PAGR1: variants seen among roughly 807,000 people sequenced by gnomAD.
PAGR1 encodes PAXIP1-associated glutamate-rich protein 1.
Under a neutral mutation model 22.4 loss-of-function variants are expected in PAGR1, and 20 were observed. The ratio of observed to expected loss-of-function variants is 0.89; its 90% confidence interval spans 0.63 to 1.30. The LOEUF is 1.30. PAGR1 is among the 50% of genes most tolerant of loss of function. The probability of loss-of-function intolerance (pLI) is 0.00; values close to 1 mark genes in which losing one functional copy is unlikely to be tolerated. For missense variants in PAGR1, 338 were observed against 343.6 expected, an observed-to-expected ratio of 0.98 and a Z score of 0.13; for synonymous variants, 161 against 148.3, an observed-to-expected ratio of 1.09 and a Z score of -0.62.
At position 29,816,774 on chromosome 16, in the gene PAGR1, C is replaced by T. The variant is rs759983516; in HGVS notation, c.249C>T (p.Asp83=). 2 of 1,583,276 alleles carry T rather than the reference C, an allele frequency of 1.3e-6. No individual in the cohort carries two copies. Among genetic ancestry groups the T allele is most frequent in the African/African-American group, 1.3e-5 (1 of 74,414 alleles). ...SAGGEEPAEE[D]SEDWCVPCSD... ...GGGGAGAAGAGCCTGCCGAGGAGGA[C>T]TCCGAGGACTGGTGCGTGCCCTGCA... Residue 83 remains aspartate (D), a synonymous_variant, in exon 1 of 3, where the codon GAC becomes GAT. Coordinates refer to ENST00000320330, the MANE Select transcript of PAGR1 (RefSeq NM_024516.4).
chr16:29,819,383 G>A (rs1900314638), intron 2 of PAGR1, 172 bp from the exon 3 acceptor site: 2 of 671,264 alleles, frequency 3.0e-6, no homozygotes. Flanking sequence ...TGTCAATCAA[G>A]ATCTTTGCTT....
chr16:29,819,457 C>T, intron 2 of PAGR1, 98 bp from the exon 3 acceptor site: 1 of 1,266,060 alleles, frequency 7.9e-7, no homozygotes, highest in South Asian at 1.3e-5. Flanking sequence ...TGGGGACCTG[C>T]ATGTTTAACC....
rs537426155 is a variant in PAGR1 at position 29,819,672 on chromosome 16, T to C, written c.683T>C (p.Leu228Pro). The C allele has an allele frequency of 7.4e-6, 12 of 1,613,926 alleles. No individual in the cohort carries two copies. The East Asian group carries it at 2.7e-4, about 36-fold the overall frequency. Residue 228 changes from leucine to proline, a missense_variant, in exon 3 of 3, where the codon CTG (leucine) becomes CCG (proline). By Grantham distance (98) the Leu-to-Pro change is moderately conservative. This residue lies in a region of PAGR1 where 52 missense variants were observed against 44.5 expected (regional missense o/e 1.17). Transcript: ENST00000320330. ...ILRTGRDLFSLDSEDPSPASP... is the reference protein window; with the variant it reads ...ILRTGRDLFSPDSEDPSPASP... ...CGTACCGGGAGGGACCTCTTCAGCC[T>C]GGACTCGGAGGACCCCAGCCCCGCC...
chr16:29,819,529 A>G (rs373406329), intron 2 of PAGR1, 26 bp from the exon 3 acceptor site: 11 of 1,612,964 alleles, frequency 6.8e-6, no homozygotes, highest in African/African-American at 4.0e-5. Context: ...CATCCCTTCC[A>G]TGTATCTTAC....
In PAGR1 at chr16:29,820,321, G is replaced by C. The variant is rs931541723; in HGVS notation, c.*567G>C. 6.6e-6 allele frequency: 1 copy of C among 152,292 alleles called. No individual in the cohort carries two copies. The highest frequency in any genetic ancestry group is 2.4e-5 in the African/African-American group (1 of 41,426). 9.4% of individuals were successfully genotyped at this position (152,292 alleles called of 1,614,324 possible). ...AGGTAGAAACCCATGAGCACTCAGG[G>C]AGCAGTGTGCCTTCAGCTGCAGCAG... On this transcript the variant is annotated 3_prime_UTR_variant, in exon 3 of 3. Coordinates refer to ENST00000320330, the MANE Select transcript of PAGR1 (RefSeq NM_024516.4).
At position 29,820,058 on chromosome 16, in the gene PAGR1, A is replaced by G. The variant is rs1289716671; in HGVS notation, c.*304A>G. ...TGTTTTCTATTGAACACCTATTCAG[A>G]GACCTGGACTGAATTTTCTGAGTCT... On this transcript the variant is annotated 3_prime_UTR_variant, in exon 3 of 3. Transcript: ENST00000320330. 1.3e-5 allele frequency: 4 copies of G among 309,792 alleles called. No homozygotes were observed. The highest frequency in any genetic ancestry group is 2.4e-5 in the Non-Finnish European group (4 of 167,008). 19.2% of individuals were successfully genotyped at this position (309,792 alleles called of 1,614,324 possible). A position where few individuals can be genotyped will look rare whatever the true frequency, so the allele number is the denominator to read the frequency against.
chr16:29,819,903 G>T lies in PAGR1; in HGVS notation c.*149G>T. 1 of 842,230 alleles carries T rather than the reference G, an allele frequency of 1.2e-6. No individual in the cohort carries two copies. Among genetic ancestry groups the T allele is most frequent in the South Asian group, 1.8e-5 (1 of 54,694 alleles). The allele number at this position is 842,230 out of a possible 1,614,324, so 52.2% of individuals were successfully genotyped here. The stretch of plus-strand genomic sequence containing the variant: ...GTTGCGGGAAAGAGGAAGAGAGAGT[G>T]TGAGTGTGTGTGTGTGTTTTTTCTA... On this transcript the variant is annotated 3_prime_UTR_variant, in exon 3 of 3. Coordinates refer to ENST00000320330, the MANE Select transcript of PAGR1 (RefSeq NM_024516.4).
Position 29,822,126 on chromosome 16 carries a change from T to G in PAGR1, c.*2372T>G, listed in dbSNP as rs114645044. Among the ~76,000 whole-genome samples the G allele has an allele frequency of 4.9e-3, 734 of 151,278 alleles. 6 individuals are homozygous for G. Among genetic ancestry groups the G allele is most frequent in the African/African-American group, 0.016 (645 of 41,310 alleles). ...TTTAAAGAATTATAGCTCAGTCCTA[T>G]GATTAGGCAAGTTGAGAAAATATTG... is the stretch of plus-strand genomic sequence containing the variant. On this transcript the variant is annotated 3_prime_UTR_variant, in exon 3 of 3. Coordinates refer to ENST00000320330, the MANE Select transcript of PAGR1 (RefSeq NM_024516.4).
rs367962544 is a variant in PAGR1 at position 29,816,473 on chromosome 16, C to T, written c.-53C>T. On this transcript the variant is annotated 5_prime_UTR_variant, in exon 1 of 3. Coordinates refer to ENST00000320330, the MANE Select transcript of PAGR1 (RefSeq NM_024516.4). Reference sequence around the variant, plus strand: ...CAGGGGAGCCCGATCCCTGGGGGACCCTGGCTTCGGACTCCAGTATCTGTC... The same window carrying T: ...CAGGGGAGCCCGATCCCTGGGGGACTCTGGCTTCGGACTCCAGTATCTGTC... 8,697 of 1,414,430 alleles carry T rather than the reference C, an allele frequency of 6.1e-3. 60 individuals are homozygous for T. The highest frequency in any genetic ancestry group is 0.03 in the South Asian group (1,676 of 56,194). The allele number at this position is 1,414,430 out of a possible 1,614,324, so 87.6% of individuals were successfully genotyped here.
intron 2 of PAGR1, 33 bp from the exon 3 acceptor site, chr16:29,819,522 C>A (rs748709091): frequency 6.2e-7 from 1 of 1,610,024 alleles, no homozygotes; most frequent in Non-Finnish European, 8.5e-7. Flanking sequence ...CCACCTCCAT[C>A]CCTTCCATGT....
Position 29,816,805 on chromosome 16 carries a change from G to T in PAGR1, c.280G>T (p.Glu94Ter), listed in dbSNP as rs1900257870. 2 of 1,568,560 alleles carry T rather than the reference G, an allele frequency of 1.3e-6. No homozygotes were observed. The highest frequency in any genetic ancestry group is 1.7e-6 in the Non-Finnish European group (2 of 1,157,150). ...GGACTGGTGCGTGCCCTGCAGCGAC[G>T]AGGAGGTGGAGCTGCCTGCGGATGG... Reference protein sequence around the residue: ...SEDWCVPCSDEEVELPADGQP... With the variant: ...SEDWCVPCSD Residue 94 changes from glutamate (E) to a stop codon, truncating the protein, a stop_gained, in exon 1 of 3, where the codon GAG (glutamate) becomes TAG (stop). Coordinates refer to ENST00000320330, the MANE Select transcript of PAGR1 (RefSeq NM_024516.4). LOFTEE classifies it high-confidence loss of function.
At chr16:29,819,258 T>C (rs1249324252) in intron 2 of PAGR1, among the ~76,000 whole-genome samples, 1 of 152,170 alleles carries the variant, frequency 6.6e-6, no homozygotes, top group Non-Finnish European at 1.5e-5. Context: ...TGAACCACCA[T>C]GCCCGGCCTG....
chr16:29,817,874 G>T (rs1249309173), intron 2 of PAGR1: 1 of 152,272 alleles, frequency 6.6e-6, no homozygotes, highest in African/African-American at 2.4e-5. Flanking sequence ...CAGGAGAATC[G>T]CTTGAGCCTG....
chr16:29,819,815 TC>T lies in PAGR1; in HGVS notation c.*65del. 6.6e-7 allele frequency: 1 copy of T among 1,516,196 alleles called. No homozygotes were observed. The allele number at this position is 1,516,196 out of a possible 1,614,324, so 93.9% of individuals were successfully genotyped here. On this transcript the variant is annotated 3_prime_UTR_variant, in exon 3 of 3. Coordinates refer to ENST00000320330, the MANE Select transcript of PAGR1 (RefSeq NM_024516.4). ...TACCTGCTGGAGCCTGGGCCCTCCT[TC>T]CCCAGCCCAGACATTGAGAAACTTG... is the stretch of plus-strand genomic sequence containing the variant.
Position 29,822,333 on chromosome 16 carries a change from AAGT to A in PAGR1, c.*2581_*2583del, listed in dbSNP as rs1204218665. Among the ~76,000 whole-genome samples, 5 of 151,940 alleles carry A rather than the reference AAGT, an allele frequency of 3.3e-5. No homozygotes were observed. The highest frequency in any genetic ancestry group is 7.4e-5 in the Non-Finnish European group (5 of 68,018). Reference sequence around the variant, plus strand: ...AACTGTGCTGCTTTAAAAAAAAAAAAAGTAATTTATGAGACACATTCTCAATTT... The same window carrying A: ...AACTGTGCTGCTTTAAAAAAAAAAAAAATTTATGAGACACATTCTCAATTT... On this transcript the variant is annotated 3_prime_UTR_variant, in exon 3 of 3. Coordinates refer to ENST00000320330, the MANE Select transcript of PAGR1 (RefSeq NM_024516.4).
chr16:29,817,425 C>T, intron 2 of PAGR1, 133 bp downstream of exon 2: 1 of 744,702 alleles, frequency 1.3e-6, no homozygotes, highest in South Asian at 1.6e-5. Flanking sequence ...GAGTATTCAC[C>T]CAGTAGCACC....
chr16:29,816,448 C>G lies in PAGR1; in HGVS notation c.-78C>G. 1.5e-6 allele frequency: 2 copies of G among 1,361,168 alleles called. No homozygotes were observed. The highest frequency in any genetic ancestry group is 1.9e-6 in the Non-Finnish European group (2 of 1,046,384). 84.3% of individuals were successfully genotyped at this position (1,361,168 alleles called of 1,614,324 possible). A position where few individuals can be genotyped will look rare whatever the true frequency, so the allele number is the denominator to read the frequency against. Reference sequence around the variant, plus strand: ...TTGGCTGGAAACGGTCCCGAACCCCCAGGGGAGCCCGATCCCTGGGGGACC... The same window carrying G: ...TTGGCTGGAAACGGTCCCGAACCCCGAGGGGAGCCCGATCCCTGGGGGACC... On this transcript the variant is annotated 5_prime_UTR_variant, in exon 1 of 3. Coordinates refer to ENST00000320330, the MANE Select transcript of PAGR1 (RefSeq NM_024516.4).
At position 29,816,790 on chromosome 16, in the gene PAGR1, G is replaced by C. The variant is rs752751554; in HGVS notation, c.265G>C (p.Val89Leu). The C allele has an allele frequency of 6.3e-7, 1 of 1,575,466 alleles. No individual in the cohort carries two copies. Among genetic ancestry groups the C allele is most frequent in the South Asian group, 1.1e-5 (1 of 87,130 alleles). ...CGAGGAGGACTCCGAGGACTGGTGC[G>C]TGCCCTGCAGCGACGAGGAGGTGGA... ...PAEEDSEDWC[V>L]PCSDEEVELP... The change falls in exon 1 of 3, where the codon GTG becomes CTG. Residue 89 changes from valine to leucine, a missense_variant. Val to Leu is a conservative substitution (Grantham distance 32). Coordinates refer to ENST00000320330, the MANE Select transcript of PAGR1 (RefSeq NM_024516.4).
In PAGR1 at chr16:29,820,041, A is replaced by G. The variant is rs1349549878; in HGVS notation, c.*287A>G. ...GAGAGTGTGTGAGTGTGTGTTTTCTATTGAACACCTATTCAGAGACCTGGA... is the reference window on the plus strand; with the variant it reads ...GAGAGTGTGTGAGTGTGTGTTTTCTGTTGAACACCTATTCAGAGACCTGGA... On this transcript the variant is annotated 3_prime_UTR_variant, in exon 3 of 3. Coordinates refer to ENST00000320330, the MANE Select transcript of PAGR1 (RefSeq NM_024516.4). The G allele has an allele frequency of 1.9e-5, 7 of 361,728 alleles. No homozygotes were observed. Among genetic ancestry groups the G allele is most frequent in the African/African-American group, 1.0e-4 (5 of 48,292 alleles). The allele number at this position is 361,728 out of a possible 1,614,324, so 22.4% of individuals were successfully genotyped here.
Sources: gnomAD v4.1 joint callset for allele counts (sites outside exome capture counted in the v4.1 genomes callset) on GRCh38, gnomAD v4.1.1 for gene constraint, gnomAD v4.1.1 regional missense constraint, MANE v1.5 for transcripts, NCBI Gene and HGNC (gene_info 2026-07-23, HGNC 2026-07-21) for gene names.